Variants in MARCHF8 observed in about 807,000 individuals in gnomAD.
MARCHF8 encodes the protein membrane associated ring-CH-type finger 8.
A neutral mutation model predicts 51.6 loss-of-function variants in MARCHF8; 40 were observed. The observed-to-expected ratio is 0.77, with a 90% CI of 0.60 to 1.01. MARCHF8 has a LOEUF of 1.01. Among genes scored for constraint, MARCHF8 ranks in the 50% least tolerant of loss-of-function variants. The pLI is 0.00. For missense variants in MARCHF8, 685 were observed against 708.6 expected, an observed-to-expected ratio of 0.97 and a Z score of 0.38; for synonymous variants, 263 against 280.3, an observed-to-expected ratio of 0.94 and a Z score of 0.62.
intron 5 of MARCHF8, 78 bp from the exon 6 acceptor site, chr10:45,461,489 C>T (rs1000834220): frequency 7.9e-7 from 1 of 1,272,492 alleles, no homozygotes; most frequent in Non-Finnish European, 1.0e-6. Context: ...CAGGTTAATC[C>T]CCCCAAAGGA....
At chr10:45,559,848 C>A (rs923734856) in intron 1 of MARCHF8, among the ~76,000 whole-genome samples, 70 of 152,068 alleles carry the variant, frequency 4.6e-4, no homozygotes, top group Non-Finnish European at 6.8e-4. Flanking sequence ...AAGTTAGAGG[C>A]CTTTTATTTT....
chr10:45,482,417 T>C (rs2042904293), intron 3 of MARCHF8, among the ~76,000 whole-genome samples: 1 of 152,176 alleles, frequency 6.6e-6, no homozygotes, highest in Non-Finnish European at 1.5e-5. Flanking sequence ...CAAAGGATAT[T>C]ACACAAGGCT....
chr10:45,464,436 G>A (rs999526980), intron 3 of MARCHF8, 109 bp from the exon 4 acceptor site: 19 of 847,926 alleles, frequency 2.2e-5, no homozygotes, highest in African/African-American at 1.3e-4. Flanking sequence ...GCTGCTTCCC[G>A]CTGCTCAACG....
chr10:45,560,993 G>T (rs1278405782), intron 1 of MARCHF8, among the ~76,000 whole-genome samples: 2 of 152,054 alleles, frequency 1.3e-5, no homozygotes, highest in Non-Finnish European at 2.9e-5. Context: ...TACAAAAAAG[G>T]TAACAGTCCT....
chr10:45,523,815 C>T (rs1223658835), intron 2 of MARCHF8, among the ~76,000 whole-genome samples: 1 of 152,120 alleles, frequency 6.6e-6, no homozygotes, highest in Non-Finnish European at 1.5e-5. Context: ...TTGGTTTTAC[C>T]TAGATTATGT....
At chr10:45,531,875 G>T (rs2043892326) in intron 2 of MARCHF8, among the ~76,000 whole-genome samples, 1 of 152,092 alleles carries the variant, frequency 6.6e-6, no homozygotes, top group Non-Finnish European at 1.5e-5. Flanking sequence ...CCTGTGCCAG[G>T]AAAAACTGCA....
In MARCHF8 at chr10:45,557,089, C is replaced by CCTGTAT. The variant is rs570865455; in HGVS notation, c.-78-23801_-78-23800insATACAG. On this transcript the variant is annotated intron_variant, in intron 1 of 6. Transcript: ENST00000319836. ...TTCATCTTGCAAAACTGAAACTATA[C>CCTGTAT]CCATTGAACAACAAAAGGTGCCTAT... Among the ~76,000 whole-genome samples the CCTGTAT allele has an allele frequency of 8.3e-3, 1,245 of 150,264 alleles. 5 individuals carry two copies. The highest frequency in any genetic ancestry group is 0.015 in the Non-Finnish European group (995 of 67,684).
At chr10:45,525,823 A>T (rs2043782724) in intron 2 of MARCHF8, among the ~76,000 whole-genome samples, 2 of 152,242 alleles carry the variant, frequency 1.3e-5, no homozygotes, top group South Asian at 4.1e-4. Context: ...ATAGAAGGAC[A>T]TTCCACAAAA....
chr10:45,579,959 G>A (rs1380640530), intron 1 of MARCHF8, among the ~76,000 whole-genome samples: 1 of 127,722 alleles, frequency 7.8e-6, no homozygotes, highest in Non-Finnish European at 1.5e-5. Context: ...GTTGCAGTGA[G>A]CCGAGATCAT....
At chr10:45,545,153 T>C (rs994346603) in intron 1 of MARCHF8, among the ~76,000 whole-genome samples, 3 of 151,454 alleles carry the variant, frequency 2.0e-5, no homozygotes, top group Non-Finnish European at 3.0e-5. Flanking sequence ...TCACAGAATG[T>C]TACATTTATT....
At chr10:45,558,089 T>C (rs546469832) in intron 1 of MARCHF8, among the ~76,000 whole-genome samples, 19 of 152,350 alleles carry the variant, frequency 1.2e-4, no homozygotes, top group Admixed American at 3.3e-4. Flanking sequence ...GAACGCTTAG[T>C]CAATCACTCC....
chr10:45,509,927 G>C (rs2043463380), intron 2 of MARCHF8, among the ~76,000 whole-genome samples: 1 of 152,168 alleles, frequency 6.6e-6, no homozygotes, highest in African/African-American at 2.4e-5. Flanking sequence ...GCAAACTTAA[G>C]AACTTTAAGG....
intron 2 of MARCHF8, among the ~76,000 whole-genome samples, chr10:45,494,207 T>C (rs922276758): frequency 6.6e-6 from 1 of 152,242 alleles, no homozygotes; most frequent in African/African-American, 2.4e-5. Context: ...CTGTCAATGA[T>C]GTTTTTCACA....
intron 2 of MARCHF8, among the ~76,000 whole-genome samples, chr10:45,508,260 T>C (rs1283684814): frequency 3.3e-5 from 5 of 151,586 alleles, no homozygotes; most frequent in Non-Finnish European, 7.4e-5. Context: ...TTTGAGATAC[T>C]TTTGGGACTA....
chr10:45,567,039 A>G (rs2044372704), intron 1 of MARCHF8, among the ~76,000 whole-genome samples: 1 of 152,124 alleles, frequency 6.6e-6, no homozygotes. Context: ...GATGTTGAGC[A>G]CCTTTTCATA....
chr10:45,531,152 A>G (rs1321444775), intron 2 of MARCHF8, among the ~76,000 whole-genome samples: 1 of 152,232 alleles, frequency 6.6e-6, no homozygotes, highest in Non-Finnish European at 1.5e-5. Flanking sequence ...AAGCCAGTCA[A>G]TGTGTATACT....
intron 2 of MARCHF8, among the ~76,000 whole-genome samples, chr10:45,514,882 CATA>C (rs1286540155): frequency 1.3e-5 from 2 of 152,100 alleles, no homozygotes; most frequent in African/African-American, 2.4e-5. Context: ...ACCCACCCTA[CATA>C]ATGAGTTCTG....
upstream of MARCHF8, among the ~76,000 whole-genome samples, chr10:45,536,135 A>T (rs2043967352): frequency 1.3e-5 from 2 of 152,222 alleles, no homozygotes; most frequent in South Asian, 4.1e-4. Context: ...TGGAGAGCTC[A>T]CATTTCCAGA....
intron 1 of MARCHF8, among the ~76,000 whole-genome samples, chr10:45,571,561 G>A (rs1448135912): frequency 7.1e-6 from 1 of 141,638 alleles, no homozygotes; most frequent in Non-Finnish European, 1.6e-5. Context: ...CTTCACAGAC[G>A]TGAGTGAAAT....
Sources: allele counts gnomAD v4.1 joint callset (sites outside exome capture counted in the v4.1 genomes callset), GRCh38; gene constraint gnomAD v4.1.1; transcripts MANE v1.5; gene names NCBI Gene and HGNC (gene_info 2026-07-23, HGNC 2026-07-21).